The following TSPAN15 variants were observed in gnomAD, a reference collection of about 807,000 sequenced individuals.
TSPAN15 encodes the protein tetraspanin 15, also known as tetraspanin-15.
A neutral mutation model predicts 34.5 loss-of-function variants in TSPAN15; 20 were observed. That is an observed-to-expected ratio of 0.58 (90% CI 0.41 to 0.84). TSPAN15 has a LOEUF of 0.84. Among genes scored for constraint, TSPAN15 ranks in the 40% least tolerant of loss-of-function variants. The pLI is 0.00. For missense variants in TSPAN15, 313 were observed against 386.1 expected, an observed-to-expected ratio of 0.81 and a Z score of 1.59; for synonymous variants, 155 against 153.9, an observed-to-expected ratio of 1.01 and a Z score of -0.05.
At chr10:69,475,113 G>A (rs1841589034) in intron 1 of TSPAN15, among the ~76,000 whole-genome samples, 1 of 152,140 alleles carries the variant, frequency 6.6e-6, no homozygotes, top group African/African-American at 2.4e-5. Context: ...TGGAGAGTGA[G>A]GGAGAAAGAA....
At chr10:69,502,714 C>A (rs571276224) in intron 5 of TSPAN15, among the ~76,000 whole-genome samples, 1 of 152,230 alleles carries the variant, frequency 6.6e-6, no homozygotes, top group African/African-American at 2.4e-5. Flanking sequence ...GCTCTCCTGG[C>A]AGGGTGAGGT....
the TSPAN15 span, among the ~76,000 whole-genome samples, chr10:69,530,448 C>G: frequency 1.4e-5 from 2 of 147,564 alleles, 1 homozygote; most frequent in African/African-American, 4.9e-5. Flanking sequence ...GAGTAAGTTC[C>G]CAAAATATTA....
Position 69,506,732 on chromosome 10 carries a change from T to G in TSPAN15, c.736-97T>G. 7.8e-7 allele frequency: 1 copy of G among 1,278,310 alleles called. No homozygotes were observed. Among genetic ancestry groups the G allele is most frequent in the Non-Finnish European group, 1.1e-6 (1 of 909,168 alleles). The allele number at this position is 1,278,310 out of a possible 1,614,324, so 79.2% of individuals were successfully genotyped here. ...CCAGGTCACACAGGACCATGAGGGC[T>G]TGGGACTGGCTGCTTGGGTTTCTGG... On this transcript the variant is annotated intron_variant, in intron 7 of 7. Coordinates refer to ENST00000373290, the MANE Select transcript of TSPAN15 (RefSeq NM_012339.5). This position sits in a 1 kb window ranked among gnomAD's most constrained non-coding sequence, Gnocchi z 4.7.
At chr10:69,485,002 G>A (rs1451889808) in intron 2 of TSPAN15, 139 bp from the exon 3 acceptor site, 1 of 775,182 alleles carries the variant, frequency 1.3e-6, no homozygotes. Context: ...GGAGGAGGGG[G>A]CAGAGGCCTA....
At chr10:69,519,294 C>T in the TSPAN15 span, among the ~76,000 whole-genome samples, 2 of 152,012 alleles carry the variant, frequency 1.3e-5, no homozygotes, top group African/African-American at 4.8e-5. Context: ...GTGGGGTGCT[C>T]CTGTAGTCCC....
At chr10:69,462,922 G>T (rs1841301989) in intron 1 of TSPAN15, among the ~76,000 whole-genome samples, 1 of 152,162 alleles carries the variant, frequency 6.6e-6, no homozygotes, top group Non-Finnish European at 1.5e-5. Context: ...AGTCAGTAGG[G>T]CCCCATGTGG....
At chr10:69,479,650 G>A (rs1841690901) in intron 1 of TSPAN15, among the ~76,000 whole-genome samples, 1 of 152,244 alleles carries the variant, frequency 6.6e-6, no homozygotes, top group South Asian at 2.1e-4. Flanking sequence ...GAGCGGATGG[G>A]ATTGCATGCT....
chr10:69,485,971 C>G (rs1336518413), intron 3 of TSPAN15, among the ~76,000 whole-genome samples: 1 of 152,168 alleles, frequency 6.6e-6, no homozygotes, highest in Non-Finnish European at 1.5e-5. Context: ...TTTGCAGAAT[C>G]CGGGCCCCTT....
At chr10:69,524,783 C>CT in the TSPAN15 span, among the ~76,000 whole-genome samples, 62 of 137,026 alleles carry the variant, frequency 4.5e-4, 5 homozygotes, top group East Asian at 4.0e-3. Context: ...ATATATGCAT[C>CT]TTTTTTTTTT....
intron 3 of TSPAN15, among the ~76,000 whole-genome samples, chr10:69,489,086 G>C (rs1841915642): frequency 6.6e-6 from 1 of 152,168 alleles, no homozygotes; most frequent in African/African-American, 2.4e-5. Context: ...GACACTCCCA[G>C]AGCGGCCGTT....
chr10:69,462,737 G>C (rs744518), intron 1 of TSPAN15, among the ~76,000 whole-genome samples: 60,670 of 152,078 alleles, frequency 0.4, 12,615 homozygotes, highest in Non-Finnish European at 0.45. Flanking sequence ...TGGTACTGGC[G>C]ATTTCCAGGA....
rs767353791 is a variant in TSPAN15, at chr10:69,483,675, T to G, written c.97-16T>G. On this transcript the variant is annotated splice_polypyrimidine_tract_variant and intron_variant, in intron 1 of 7. Transcript: ENST00000373290. The stretch of plus-strand genomic sequence containing the variant: ...TGACCTCAGTCTCTCTCTCACCCTC[T>G]GTTTTCTTGCTGCAGCTGATTGGGG... 7 of 1,610,902 alleles carry G rather than the reference T, an allele frequency of 4.3e-6. No homozygotes were observed. Among genetic ancestry groups the G allele is most frequent in the Middle Eastern group, 1.7e-4 (1 of 6,034 alleles).
the TSPAN15 span, among the ~76,000 whole-genome samples, chr10:69,539,477 AGAAGG>A: frequency 3.5e-4 from 20 of 56,434 alleles, no homozygotes; most frequent in African/African-American, 1.2e-3. Context: ...AAGGAGAAGG[AGAAGG>A]AGAAGAAGAA....
At chr10:69,533,520 G>A in the TSPAN15 span, among the ~76,000 whole-genome samples, 1 of 152,158 alleles carries the variant, frequency 6.6e-6, no homozygotes, top group Non-Finnish European at 1.5e-5. Flanking sequence ...TGCGGGGAAG[G>A]GGGAGAGTGG....
Position 69,506,608 on chromosome 10 carries a change from C to T in TSPAN15, c.736-221C>T, listed in dbSNP as rs761152178. Reference sequence around the variant, plus strand: ...AGGGGCCCTTGCTGATGGGGCACAGCGAGGCGCTCTGGGATTTCCTGGGAA... The same window carrying T: ...AGGGGCCCTTGCTGATGGGGCACAGTGAGGCGCTCTGGGATTTCCTGGGAA... On this transcript the variant is annotated intron_variant, in intron 7 of 7. Coordinates refer to ENST00000373290, the MANE Select transcript of TSPAN15 (RefSeq NM_012339.5). This position sits in a 1 kb window ranked among gnomAD's most constrained non-coding sequence, Gnocchi z 4.7. Among the ~76,000 whole-genome samples, 28 of 152,148 alleles carry T rather than the reference C, an allele frequency of 1.8e-4. No homozygotes were observed. Among genetic ancestry groups the T allele is most frequent in the Non-Finnish European group, 3.8e-4 (26 of 68,020 alleles).
At chr10:69,529,528 T>G in the TSPAN15 span, among the ~76,000 whole-genome samples, 1 of 147,998 alleles carries the variant, frequency 6.8e-6, no homozygotes, top group Non-Finnish European at 1.5e-5. Flanking sequence ...TATTAACTTC[T>G]GTAACTTCCC....
the TSPAN15 span, among the ~76,000 whole-genome samples, chr10:69,522,537 G>T: frequency 2.0e-5 from 3 of 146,394 alleles, no homozygotes; most frequent in East Asian, 2.6e-4. Flanking sequence ...CTACAGACAG[G>T]TACTGGTCCA....
At chr10:69,477,950 G>T (rs1417649903) in intron 1 of TSPAN15, among the ~76,000 whole-genome samples, 1 of 152,182 alleles carries the variant, frequency 6.6e-6, no homozygotes, top group African/African-American at 2.4e-5. Context: ...TAGTGGCAAA[G>T]CATAATCACT....
chr10:69,507,030 TCA>T lies in TSPAN15; in HGVS notation c.*53_*54del. The T allele has an allele frequency of 6.3e-7, 1 of 1,582,662 alleles. No homozygotes were observed. Among genetic ancestry groups the T allele is most frequent in the Non-Finnish European group, 8.6e-7 (1 of 1,165,882 alleles). ...CAAGGACCGTCTGGGATAGCACCTCTCAGTCAACATCGTGGGGCTGGACAGGG... is the reference window on the plus strand; with the variant it reads ...CAAGGACCGTCTGGGATAGCACCTCTGTCAACATCGTGGGGCTGGACAGGG... On this transcript the variant is annotated 3_prime_UTR_variant, in exon 8 of 8. Coordinates refer to ENST00000373290, the MANE Select transcript of TSPAN15 (RefSeq NM_012339.5).
Sources: allele counts gnomAD v4.1 joint callset (sites outside exome capture counted in the v4.1 genomes callset), GRCh38; gene constraint gnomAD v4.1.1; non-coding constraint Gnocchi (gnomAD v3.1); transcripts MANE v1.5; gene names NCBI Gene and HGNC (gene_info 2026-07-23, HGNC 2026-07-21).